THSD7B: variants seen among roughly 807,000 people sequenced by gnomAD.
The protein encoded by THSD7B is thrombospondin type 1 domain containing 7B, also known as thrombospondin type-1 domain-containing protein 7B.
In THSD7B, 138 loss-of-function variants were observed where a neutral mutation model predicts 213.6. The ratio of observed to expected loss-of-function variants is 0.65; its 90% CI spans 0.56 to 0.74. THSD7B has a LOEUF of 0.74. Ranked by LOEUF, THSD7B falls within the 30% of genes least tolerant of loss-of-function variation. The probability of loss-of-function intolerance (pLI) is 0.00; values close to 1 mark genes in which losing one functional copy is unlikely to be tolerated. For missense variants in THSD7B, 1,931 were observed against 1,991.5 expected (o/e 0.97, Z 0.58); for synonymous variants, 742 against 687.0 (o/e 1.08, Z -1.25).
intron 1 of THSD7B, among the ~76,000 whole-genome samples, chr2:136,807,767 A>G (rs542355613): frequency 6.6e-6 from 1 of 152,246 alleles, no homozygotes; most frequent in African/African-American, 2.4e-5. Flanking sequence ...CGGCCTCTCA[A>G]AGTGCTGGGA....
At chr2:137,513,498 C>G (rs1210292796) in intron 15 of THSD7B, among the ~76,000 whole-genome samples, 1 of 152,108 alleles carries the variant, frequency 6.6e-6, no homozygotes, top group East Asian at 1.9e-4. Flanking sequence ...TCTCCAAATA[C>G]TGCAAAGTAG....
intron 5 of THSD7B, among the ~76,000 whole-genome samples, chr2:137,148,278 A>C (rs1416596872): frequency 6.6e-6 from 1 of 152,146 alleles, no homozygotes; most frequent in East Asian, 1.9e-4. Flanking sequence ...AGGCCTCCCC[A>C]GCCCTGCGAA....
chr2:137,659,428 C>T (rs145510017), intron 24 of THSD7B, among the ~76,000 whole-genome samples: 5 of 152,220 alleles, frequency 3.3e-5, no homozygotes, highest in Middle Eastern at 3.4e-3. Context: ...AATCACATCG[C>T]CAATAAACAG....
At chr2:136,765,877 C>A (rs947236607) in intron 1 of THSD7B, among the ~76,000 whole-genome samples, 190 bp downstream of exon 1, 2 of 152,222 alleles carry the variant, frequency 1.3e-5, no homozygotes, top group African/African-American at 4.8e-5. Context: ...TCTTCTCGGA[C>A]GCCTCTGGCT....
intron 1 of THSD7B, among the ~76,000 whole-genome samples, chr2:136,767,338 T>G (rs1681419052): frequency 6.6e-6 from 1 of 152,176 alleles, no homozygotes; most frequent in Admixed American, 6.5e-5. Flanking sequence ...TAAACCTTAG[T>G]GCCATTAATA....
chr2:137,352,192 G>A (rs936770023), intron 12 of THSD7B, among the ~76,000 whole-genome samples: 9 of 151,646 alleles, frequency 5.9e-5, no homozygotes, highest in African/African-American at 2.2e-4. Context: ...GAAAAAGAGA[G>A]GAGATAAAAA....
At chr2:137,355,138 T>C (rs1266017830) in intron 12 of THSD7B, among the ~76,000 whole-genome samples, 2 of 152,150 alleles carry the variant, frequency 1.3e-5, no homozygotes, top group Admixed American at 6.6e-5. Flanking sequence ...TCTCAAATAT[T>C]TATGCTTTTT....
At chr2:137,315,537 T>C (rs938868136) in intron 12 of THSD7B, among the ~76,000 whole-genome samples, 1 of 152,112 alleles carries the variant, frequency 6.6e-6, no homozygotes, top group Admixed American at 6.5e-5. Context: ...CCTCCCCCAC[T>C]ATATGTATAT....
At chr2:137,585,538 G>A (rs1305160372) in intron 17 of THSD7B, among the ~76,000 whole-genome samples, 1 of 152,000 alleles carries the variant, frequency 6.6e-6, no homozygotes, top group East Asian at 1.9e-4. Flanking sequence ...GGTATGTTGT[G>A]TCTTTGTTCT....
chr2:137,646,518 C>T (rs905082470), intron 21 of THSD7B, among the ~76,000 whole-genome samples: 9 of 147,166 alleles, frequency 6.1e-5, no homozygotes, highest in African/African-American at 1.0e-4. Flanking sequence ...TGAGTGTGGT[C>T]GCACGTGCCT....
intron 12 of THSD7B, among the ~76,000 whole-genome samples, chr2:137,293,919 A>T (rs188902165): frequency 2.6e-5 from 4 of 152,286 alleles, no homozygotes; most frequent in Admixed American, 2.6e-4. Context: ...CTTCTAAAAC[A>T]TGAAATATAC....
chr2:137,137,973 A>G (rs1232600240), intron 5 of THSD7B, among the ~76,000 whole-genome samples: 1 of 152,060 alleles, frequency 6.6e-6, no homozygotes, highest in Non-Finnish European at 1.5e-5. Flanking sequence ...ATCCCAGTTC[A>G]CTGCAGCCTC....
intron 26 of THSD7B, among the ~76,000 whole-genome samples, chr2:137,664,050 G>T (rs1006963539): frequency 3.3e-5 from 5 of 151,874 alleles, no homozygotes; most frequent in Non-Finnish European, 2.9e-5. Context: ...GATGAGTTTC[G>T]CCATGTTGGC....
At chr2:137,378,549 G>T (rs186595531) in intron 12 of THSD7B, among the ~76,000 whole-genome samples, 155 of 152,298 alleles carry the variant, frequency 1.0e-3, no homozygotes, top group African/African-American at 3.2e-3. Flanking sequence ...AAGACCACTT[G>T]TTGTCATGTA....
At chr2:137,545,468 C>A (rs980908700) in intron 15 of THSD7B, among the ~76,000 whole-genome samples, 14 of 151,746 alleles carry the variant, frequency 9.2e-5, no homozygotes, top group African/African-American at 3.4e-4. Flanking sequence ...TCACTTCACC[C>A]ATCATTGAAA....
chr2:137,397,504 C>G (rs1448979995), intron 12 of THSD7B, among the ~76,000 whole-genome samples: 1 of 151,808 alleles, frequency 6.6e-6, no homozygotes, highest in Non-Finnish European at 1.5e-5. Context: ...CCACTCTCTT[C>G]TGGCTTGTAG....
At chr2:137,528,358 A>C (rs371561738) in intron 15 of THSD7B, among the ~76,000 whole-genome samples, 27 of 152,172 alleles carry the variant, frequency 1.8e-4, no homozygotes, top group East Asian at 5.8e-4. Flanking sequence ...CCCTCTGAAC[A>C]TTTGTTTCCT....
At chr2:136,786,664 C>T (rs1049158655) in intron 1 of THSD7B, among the ~76,000 whole-genome samples, 4 of 152,098 alleles carry the variant, frequency 2.6e-5, no homozygotes, top group Non-Finnish European at 5.9e-5. Context: ...TATCGGAATG[C>T]GCATGGTCTC....
chr2:137,190,143 T>A (rs1680628663), intron 7 of THSD7B, among the ~76,000 whole-genome samples: 2 of 152,288 alleles, frequency 1.3e-5, no homozygotes, highest in South Asian at 4.1e-4. Context: ...TTCCGCTGGA[T>A]GTGACTAACT....
Sources: gnomAD v4.1 joint callset for allele counts (sites outside exome capture counted in the v4.1 genomes callset) on GRCh38, gnomAD v4.1.1 for gene constraint, MANE v1.5 for transcripts, NCBI Gene and HGNC (gene_info 2026-07-23, HGNC 2026-07-21) for gene names.